The following RBMX variants were observed in gnomAD, a reference collection of about 807,000 sequenced individuals.
RBMX encodes RNA-binding motif protein, X chromosome.
In RBMX, 1 loss-of-function variant was observed where a neutral mutation model predicts 29.3. The ratio of observed to expected loss-of-function variants is 0.03; its 90% CI spans 0.01 to 0.16. The LOEUF (loss-of-function observed/expected upper bound fraction) is 0.16, where lower values mean the gene tolerates loss of function less well. Ranked by LOEUF, RBMX falls within the 10% of genes least tolerant of loss-of-function variation. RBMX has a pLI of 1.00. For missense variants in RBMX, 121 were observed against 333.2 expected, an observed-to-expected ratio of 0.36 and a Z score of 4.96; for synonymous variants, 102 against 102.3, an observed-to-expected ratio of 1.00 and a Z score of 0.02.
intron 5 of RBMX, 115 bp from the exon 6 acceptor site, chrX:136,875,700 C>A: frequency 1.0e-6 from 1 of 958,144 alleles, no homozygotes; most frequent in South Asian, 2.8e-5. Flanking sequence ...ATTACGGAGG[C>A]TAGATCACCT....
At chrX:136,878,745 CAAAAAAA>C (rs749152530) in intron 3 of RBMX, among the ~76,000 whole-genome samples, 27 of 37,109 alleles carry the variant, frequency 7.3e-4, no homozygotes, top group Non-Finnish European at 1.3e-3. Context: ...GGGAGACTAT[CAAAAAAA>C]AAAAAAAAAA....
chrX:136,875,800 AGTTTT>A (rs2077721587), intron 5 of RBMX, among the ~76,000 whole-genome samples: 1 of 109,587 alleles, frequency 9.1e-6, no homozygotes, highest in African/African-American at 3.3e-5. Flanking sequence ...CATGACTAAA[AGTTTT>A]GTTTTTTTTT....
chrX:136,871,895 T>C (rs1211201331), downstream of RBMX, among the ~76,000 whole-genome samples: 1 of 106,999 alleles, frequency 9.3e-6, no homozygotes, highest in African/African-American at 3.4e-5. Context: ...CCTCATGGTC[T>C]GCCCGCCTTG....
rs1477227007 is a variant in RBMX, at chrX:136,873,586, T to C, written c.*556A>G. On this transcript the variant is annotated 3_prime_UTR_variant, in exon 9 of 9. Coordinates refer to ENST00000320676, the MANE Select transcript of RBMX (RefSeq NM_002139.4). The stretch of plus-strand genomic sequence containing the variant: ...CCAAGGAAATGTCAGAAAGGCAAAA[T>C]GGCCAGCATTATCCATTTGCTTTTT... 5.3e-6 allele frequency: 4 copies of C among 753,614 alleles called. No individual in the cohort carries two copies. The highest frequency in any genetic ancestry group is 4.6e-5 in the African/African-American group (2 of 43,493). The allele number at this position is 753,614 out of a possible 1,213,427, so 62.1% of individuals were successfully genotyped here.
At chrX:136,878,651 G>T (rs1438950055) in intron 3 of RBMX, among the ~76,000 whole-genome samples, 4 of 48,925 alleles carry the variant, frequency 8.2e-5, no homozygotes, top group Non-Finnish European at 1.2e-4. Flanking sequence ...GGGGGGGGGG[G>T]GGCTGAGGCA....
At chrX:136,874,565 G>A (rs1265632199) in intron 8 of RBMX, 113 bp from the exon 9 acceptor site, 1 of 958,522 alleles carries the variant, frequency 1.0e-6, no homozygotes, top group African/African-American at 1.9e-5. Flanking sequence ...TCAACTGGGT[G>A]GGAGGTTTTA....
intron 8 of RBMX, 166 bp downstream of exon 8, chrX:136,874,920 C>CA (rs764660430): frequency 4.1e-6 from 4 of 981,086 alleles, no homozygotes; most frequent in East Asian, 7.1e-5. Flanking sequence ...CTTAGAAAAA[C>CA]AAAAAAAGCC....
At chrX:136,872,035 T>C (rs1419746579), downstream of RBMX, among the ~76,000 whole-genome samples, 1 of 111,211 alleles carries the variant, frequency 9.0e-6, no homozygotes, top group Non-Finnish European at 1.9e-5. Context: ...GGTTCAAAAA[T>C]AGCTAAGAAT....
chrX:136,872,437 A>G (rs2077691157), downstream of RBMX: 1 of 761,847 alleles, frequency 1.3e-6, no homozygotes. Context: ...CAGAAAGAAA[A>G]GGCAAGTTCA....
downstream of RBMX, among the ~76,000 whole-genome samples, chrX:136,872,071 G>A (rs764442970): frequency 4.9e-4 from 55 of 111,640 alleles, no homozygotes; most frequent in African/African-American, 1.6e-3. Flanking sequence ...CCAGACTCAC[G>A]GAAATGTAAC....
At chrX:136,879,754 C>G (rs2077778704) in intron 1 of RBMX, among the ~76,000 whole-genome samples, 1 of 111,664 alleles carries the variant, frequency 9.0e-6, no homozygotes, top group Non-Finnish European at 1.9e-5. Context: ...ACTTTTAGTT[C>G]CAGTCCTCTT....
At chrX:136,877,372 T>C (rs1275146069) in intron 4 of RBMX, among the ~76,000 whole-genome samples, 3 of 93,260 alleles carry the variant, frequency 3.2e-5, no homozygotes, top group Admixed American at 1.3e-4. Flanking sequence ...TTGGGTAGTC[T>C]AGTTTCACTT....
At chrX:136,880,060 T>C (rs1197510921) in intron 1 of RBMX, among the ~76,000 whole-genome samples, 2 of 111,832 alleles carry the variant, frequency 1.8e-5, no homozygotes, top group Non-Finnish European at 3.8e-5. Context: ...ACGCACACAC[T>C]AACACTCGAC....
At chrX:136,878,907 A>G (rs769066556) in intron 3 of RBMX, 110 bp downstream of exon 3, 3 of 975,347 alleles carry the variant, frequency 3.1e-6, no homozygotes, top group African/African-American at 3.9e-5. Context: ...AGACAGGTAT[A>G]TACTGAAAAA....
Position 136,874,361 on chromosome X carries a change from T to C in RBMX, c.957A>G (p.Gly319=). ...RYDDYSSSRD[G]YGGSRDSYSS... is the part of the protein sequence containing the mutation. Reference sequence around the variant, plus strand: ...AGTAACTGTCTCGACTTCCACCATATCCGTCACGTGAGCTGCTGTAATCAT... The same window carrying C: ...AGTAACTGTCTCGACTTCCACCATACCCGTCACGTGAGCTGCTGTAATCAT... Residue 319 remains glycine, a synonymous_variant, in exon 9 of 9, where the codon GGA becomes GGG. Transcript: ENST00000320676. 3.3e-6 allele frequency: 4 copies of C among 1,212,862 alleles called. No homozygotes were observed. Among genetic ancestry groups the C allele is most frequent in the Non-Finnish European group, 4.5e-6 (4 of 895,671 alleles).
At chrX:136,878,424 T>C (rs1270712944) in intron 3 of RBMX, among the ~76,000 whole-genome samples, 1 of 110,300 alleles carries the variant, frequency 9.1e-6, no homozygotes, top group Admixed American at 9.7e-5. Flanking sequence ...AAATATGGCT[T>C]ATGGATCTCA....
chrX:136,873,433 A>G (rs1000152083), downstream of RBMX: 3 of 752,233 alleles, frequency 4.0e-6, no homozygotes, highest in Admixed American at 2.7e-4. Flanking sequence ...TTGAAACAGT[A>G]AGAGCAAGCA....
chrX:136,870,948 C>CCAA (rs2077680346), downstream of RBMX, among the ~76,000 whole-genome samples: 1 of 106,061 alleles, frequency 9.4e-6, no homozygotes. Flanking sequence ...ACTAAAAATA[C>CCAA]AAATAATAAT....
At chrX:136,877,105 A>G (rs896533691) in intron 4 of RBMX, among the ~76,000 whole-genome samples, 2 of 109,108 alleles carry the variant, frequency 1.8e-5, no homozygotes, top group Non-Finnish European at 3.8e-5. Flanking sequence ...TTGGGAGGCC[A>G]AGGCGGGCGG....
Sources: allele counts gnomAD v4.1 joint callset (sites outside exome capture counted in the v4.1 genomes callset), GRCh38; gene constraint gnomAD v4.1.1; transcripts MANE v1.5; gene names NCBI Gene and HGNC (gene_info 2026-07-23, HGNC 2026-07-21).